ABCB8: variants seen among roughly 807,000 people sequenced by gnomAD.
The protein encoded by ABCB8 is mitochondrial potassium channel ATP-binding subunit.
A neutral mutation model predicts 73.0 loss-of-function variants in ABCB8; 52 were observed. That is an observed-to-expected ratio of 0.71 (90% confidence interval 0.57 to 0.90). The LOEUF (loss-of-function observed/expected upper bound fraction) is 0.90. ABCB8 is among the 40% of genes least tolerant of loss of function. The pLI, the probability that ABCB8 is intolerant of heterozygous loss-of-function variation, is 0.00. For missense variants in ABCB8, 909 were observed against 974.6 expected, an observed-to-expected ratio of 0.93 and a Z score of 0.90; for synonymous variants, 428 against 423.5, an observed-to-expected ratio of 1.01 and a Z score of -0.13.
rs537037518 is a variant in ABCB8 at position 151,030,662 on chromosome 7, G to A, written c.95+2052G>A. Among the ~76,000 whole-genome samples the A allele has an allele frequency of 8.0e-5, 12 of 150,868 alleles. No individual in the cohort carries two copies. In the South Asian group the frequency reaches 1.5e-3, roughly 19 times the overall value. On this transcript the variant is annotated intron_variant, in intron 1 of 15. Transcript: ENST00000358849. ...GTGAAACCCCATACAAAACTTAGCC[G>A]GGTGCGTTGGCTCACGCCTGTAATC...
rs1563310689 is a variant in ABCB8, at chr7:151,046,503, C to T, written c.*1154C>T. 1.3e-5 allele frequency: 2 copies of T among 152,266 alleles called. No individual in the cohort carries two copies. The highest frequency in any genetic ancestry group is 4.8e-5 in the African/African-American group (2 of 41,464). 9.4% of individuals were successfully genotyped at this position (152,266 alleles called of 1,614,324 possible). On this transcript the variant is annotated 3_prime_UTR_variant, in exon 16 of 16. Coordinates refer to ENST00000358849, the MANE Select transcript of ABCB8 (RefSeq NM_007188.5). ...CTGAACTGGTGCCCCAGCAGGACCT[C>T]GTGTCCCTGCACTGCTGCAGATGCA...
chr7:151,030,080 G>A, intron 1 of ABCB8, among the ~76,000 whole-genome samples: 1 of 152,216 alleles, frequency 6.6e-6, no homozygotes, highest in Non-Finnish European at 1.5e-5. Context: ...ACAGTTCTTA[G>A]GAAAGAGTAA....
At chr7:151,031,249 G>A in intron 1 of ABCB8, 1 of 1,541,846 alleles carries the variant, frequency 6.5e-7, no homozygotes, top group Non-Finnish European at 8.7e-7. Flanking sequence ...AGAAACACAT[G>A]GCGTAATGGG....
In ABCB8 at chr7:151,033,627, T is replaced by C. The variant is rs767140738; in HGVS notation, c.118T>C (p.Ser40Pro). 14 of 1,588,682 alleles carry C rather than the reference T, an allele frequency of 8.8e-6. No homozygotes were observed. In the Admixed American group the frequency reaches 2.4e-4, roughly 28 times the overall value. The part of the protein sequence containing the change: ...AVRYSDGYRS[S>P]SLLRAVAHLR... ...CAGGTACTCTGATGGCTACCGCAGC[T>C]CCTCCCTCCTCCGGGCCGTGGCCCA... Residue 40 changes from serine (S) to proline (P), a missense_variant, in exon 2 of 16, where the codon TCC becomes CCC. Transcript: ENST00000358849.
chr7:151,045,258 T>C lies in ABCB8; in HGVS notation c.2066T>C (p.Leu689Pro). ...LLKKGGLYAE[L>P]IRRQALDAPR... ...AAGAAAGGCGGGCTATACGCCGAGCTCATCCGGAGGCAGGCCCTGGATGCC... is the reference window on the plus strand; with the variant it reads ...AAGAAAGGCGGGCTATACGCCGAGCCCATCCGGAGGCAGGCCCTGGATGCC... The change falls in exon 16 of 16, where the codon CTC becomes CCC. Residue 689 changes from leucine to proline, a missense_variant. Coordinates refer to ENST00000358849, the MANE Select transcript of ABCB8 (RefSeq NM_007188.5). 6.2e-7 allele frequency: 1 copy of C among 1,604,202 alleles called. No homozygotes were observed. The highest frequency in any genetic ancestry group is 8.5e-7 in the Non-Finnish European group (1 of 1,174,984).
chr7:151,044,927 G>C (rs112965948), intron 15 of ABCB8, among the ~76,000 whole-genome samples: 2 of 152,216 alleles, frequency 1.3e-5, no homozygotes, highest in Non-Finnish European at 2.9e-5. Flanking sequence ...TGAGGGGCTC[G>C]TGCAGGGAGA....
Position 151,028,461 on chromosome 7 carries a change from A to G in ABCB8, c.-55A>G, listed in dbSNP as rs768802853. On this transcript the variant is annotated 5_prime_UTR_variant, in exon 1 of 16. Coordinates refer to ENST00000358849, the MANE Select transcript of ABCB8 (RefSeq NM_007188.5). ...GGGCGGGAGCCAACATAGAGCCCTC[A>G]GTGGGATGAGGGTGAAACTGCTATT... The G allele has an allele frequency of 2.0e-5, 31 of 1,563,374 alleles. No individual in the cohort carries two copies. In the South Asian group the frequency reaches 2.4e-4, roughly 12 times the overall value.
At chr7:151,041,783 C>T (rs1243730459) in intron 13 of ABCB8, among the ~76,000 whole-genome samples, 178 bp from the exon 14 acceptor site, 1 of 152,234 alleles carries the variant, frequency 6.6e-6, no homozygotes, top group Admixed American at 6.5e-5. Flanking sequence ...AACTGTCCTT[C>T]CCTTTTGGGG....
At chr7:151,037,710 C>T (rs565103922) in intron 9 of ABCB8, 26 of 315,848 alleles carry the variant, frequency 8.2e-5, no homozygotes, top group African/African-American at 4.8e-4. Context: ...CATGTGTCCT[C>T]GCCCTGCTGC....
Position 151,033,753 on chromosome 7 carries a change from A to G in ABCB8, c.244A>G (p.Met82Val), listed in dbSNP as rs867822247. ...GGTTGGGGGAGCCCTGCTAGGCCCC[A>G]TGGTACTGAGTAAGCATCCCCACCT... ...CWVGGALLGP[M>V]VLSKHPHLCL... Residue 82 changes from methionine (M) to valine (V), a missense_variant, in exon 2 of 16, where the codon ATG (methionine) becomes GTG (valine). Coordinates refer to ENST00000358849, the MANE Select transcript of ABCB8 (RefSeq NM_007188.5). 9 of 1,613,848 alleles carry G rather than the reference A, an allele frequency of 5.6e-6. No homozygotes were observed. In the African/African-American group the frequency reaches 1.2e-4, roughly 22 times the overall value.
At chr7:151,044,880 G>A (rs1214973183) in intron 15 of ABCB8, among the ~76,000 whole-genome samples, 1 of 152,230 alleles carries the variant, frequency 6.6e-6, no homozygotes, top group Admixed American at 6.5e-5. Flanking sequence ...CAGAGGCCGT[G>A]TGGCGTTGGC....
intron 9 of ABCB8, 43 bp from the exon 10 acceptor site, chr7:151,040,225 T>C: frequency 6.2e-7 from 1 of 1,604,208 alleles, no homozygotes; most frequent in Non-Finnish European, 8.5e-7. Context: ...CTCTGGCTCT[T>C]CTTGTTCCCA....
Position 151,042,067 on chromosome 7 carries a change from A to G in ABCB8, c.1724A>G (p.Glu575Gly), listed in dbSNP as rs747188205. The G allele has an allele frequency of 2.5e-6, 4 of 1,613,150 alleles. No homozygotes were observed. The highest frequency in any genetic ancestry group is 2.2e-5 in the South Asian group (2 of 91,078). Residue 575 changes from glutamate (E) to glycine (G), a missense_variant, in exon 14 of 16, where the codon GAG becomes GGG. Physicochemically the swap from Glu to Gly is moderately conservative, Grantham distance 98 (BLOSUM62 -2). Coordinates refer to ENST00000358849, the MANE Select transcript of ABCB8 (RefSeq NM_007188.5). ...GCCGCCCGGGAAGCGAATGCTCACGAGTTCATCACCAGCTTCCCCGAGGGC... is the reference window on the plus strand; with the variant it reads ...GCCGCCCGGGAAGCGAATGCTCACGGGTTCATCACCAGCTTCCCCGAGGGC... The part of the protein sequence containing the change: ...YTAAREANAH[E>G]FITSFPEGYN...
chr7:151,041,542 G>A (rs2117235505), intron 13 of ABCB8, among the ~76,000 whole-genome samples: 1 of 152,364 alleles, frequency 6.6e-6, no homozygotes, highest in South Asian at 2.1e-4. Context: ...AGCCTATAGT[G>A]GAGGTGCTGA....
chr7:151,037,368 C>T (rs1293581095), intron 9 of ABCB8: 2 of 701,468 alleles, frequency 2.9e-6, no homozygotes. Context: ...CCAGGGATGA[C>T]AAGCTGACCC....
rs1160338174 is a variant in ABCB8 at position 151,036,657 on chromosome 7, G to C, written c.1217+8G>C. Reference sequence around the variant, plus strand: ...CTCCCAGACAGTGCAAAGGTAAGTGGGGGCCGTTCCCATTGCTACAGAGCC... The same window carrying C: ...CTCCCAGACAGTGCAAAGGTAAGTGCGGGCCGTTCCCATTGCTACAGAGCC... On this transcript the variant is annotated splice_region_variant and intron_variant, in intron 9 of 15. Transcript: ENST00000358849. 6.3e-7 allele frequency: 1 copy of C among 1,590,278 alleles called. No individual in the cohort carries two copies. Among genetic ancestry groups the C allele is most frequent in the Non-Finnish European group, 8.6e-7 (1 of 1,165,188 alleles).
At chr7:151,028,817 C>T (rs749601443) in intron 1 of ABCB8, 2 of 1,556,182 alleles carry the variant, frequency 1.3e-6, no homozygotes, top group Non-Finnish European at 1.7e-6. Flanking sequence ...CCTGCGTCTG[C>T]AGCCGCGTGT....
intron 1 of ABCB8, among the ~76,000 whole-genome samples, chr7:151,030,400 A>C (rs1449372919): frequency 2.0e-5 from 3 of 152,142 alleles, no homozygotes; most frequent in Non-Finnish European, 4.4e-5. Context: ...CTGTAGTCCC[A>C]GCTACTCGGG....
intron 13 of ABCB8, among the ~76,000 whole-genome samples, chr7:151,041,742 G>T (rs1160694551): frequency 6.6e-6 from 1 of 152,324 alleles, no homozygotes; most frequent in East Asian, 1.9e-4. Flanking sequence ...CCACTCCTGG[G>T]GAGGGATTCT....
Sources: allele counts gnomAD v4.1 joint callset (sites outside exome capture counted in the v4.1 genomes callset), GRCh38; gene constraint gnomAD v4.1.1; transcripts MANE v1.5; gene names NCBI Gene and HGNC (gene_info 2026-07-23, HGNC 2026-07-21).